BBS9: variants seen among roughly 807,000 people sequenced by gnomAD.
BBS9 encodes Bardet-Biedl syndrome 9.
A neutral mutation model predicts 117.7 loss-of-function variants in BBS9; 89 were observed. That is an observed-to-expected ratio of 0.76 (90% CI 0.64 to 0.90). The LOEUF is 0.90. BBS9 is among the 40% of genes least tolerant of loss of function. The pLI, the probability that BBS9 is intolerant of heterozygous loss-of-function variation, is 0.00. For missense variants in BBS9, 982 were observed against 1,042.2 expected, an observed-to-expected ratio of 0.94 and a Z score of 0.80; for synonymous variants, 379 against 370.9, an observed-to-expected ratio of 1.02 and a Z score of -0.25.
rs151284872 is a variant in BBS9, at chr7:33,186,549, T to A, written c.442+8958T>A. Among the ~76,000 whole-genome samples the A allele has an allele frequency of 7.4e-3, 1,131 of 152,336 alleles. 6 individuals carry two copies. Among genetic ancestry groups the A allele is most frequent in the Non-Finnish European group, 0.012 (798 of 68,022 alleles). On this transcript the variant is annotated intron_variant, in intron 5 of 22. Coordinates refer to ENST00000242067, the MANE Select transcript of BBS9 (RefSeq NM_198428.3). ...TGCATATCTTTGATTCTTCATAGAT[T>A]ATGGGAAATATGTTAACTTCTGGGT...
chr7:33,505,560 TCG>T lies in BBS9; in HGVS notation c.2217_2218del (p.Leu740ValfsTer5). On this transcript the variant is annotated frameshift_variant, in exon 20 of 23. Coordinates refer to ENST00000242067, the MANE Select transcript of BBS9 (RefSeq NM_198428.3). LOFTEE classifies it high-confidence loss of function. ...GCCACCCATTTGGTGATTCTGCTGA[TCG>T]CGCTGTGGCAGAAGCTTAGTGCTGA... 6.2e-7 allele frequency: 1 copy of T among 1,614,148 alleles called. No homozygotes were observed. Among genetic ancestry groups the T allele is most frequent in the Non-Finnish European group, 8.5e-7 (1 of 1,179,986 alleles).
chr7:33,434,416 C>A (rs1465546156), intron 19 of BBS9, among the ~76,000 whole-genome samples: 1 of 151,986 alleles, frequency 6.6e-6, no homozygotes, highest in Non-Finnish European at 1.5e-5. Flanking sequence ...ACAACCAAAG[C>A]AACTCAATAG....
chr7:33,337,422 AC>A (rs1815606765), intron 10 of BBS9, among the ~76,000 whole-genome samples: 1 of 152,154 alleles, frequency 6.6e-6, no homozygotes, highest in African/African-American at 2.4e-5. Context: ...TCAAAAGCCA[AC>A]CAAAACAACA....
At chr7:33,629,328 TTGTG>T (rs1262157598) in intron 21 of BBS9, among the ~76,000 whole-genome samples, 1 of 152,218 alleles carries the variant, frequency 6.6e-6, no homozygotes, top group Admixed American at 6.5e-5. Context: ...TAAAATACTC[TTGTG>T]TGAGCTCATT....
chr7:33,340,337 G>A (rs1191333299), intron 10 of BBS9, among the ~76,000 whole-genome samples: 1 of 152,070 alleles, frequency 6.6e-6, no homozygotes, highest in African/African-American at 2.4e-5. Context: ...TAAAATATCA[G>A]TATGTAAAGA....
chr7:33,164,555 T>C (rs373652645), intron 4 of BBS9, among the ~76,000 whole-genome samples: 2 of 152,228 alleles, frequency 1.3e-5, no homozygotes, highest in South Asian at 2.1e-4. Flanking sequence ...TAGCTCTTCT[T>C]GTTGAATTGA....
intron 21 of BBS9, among the ~76,000 whole-genome samples, chr7:33,561,366 AC>A (rs1856060035): frequency 6.6e-6 from 1 of 152,192 alleles, no homozygotes; most frequent in Admixed American, 6.5e-5. Context: ...GGCCATGATG[AC>A]AGTATTTCTG....
rs1267805928 is a variant in BBS9 at position 33,129,601 on chromosome 7, A to T, written c.-452A>T. 1 of 153,728 alleles carries T rather than the reference A, an allele frequency of 6.5e-6. No homozygotes were observed. Among genetic ancestry groups the T allele is most frequent in the Non-Finnish European group, 1.4e-5 (1 of 69,200 alleles). 9.5% of individuals were successfully genotyped at this position (153,728 alleles called of 1,614,324 possible). On this transcript the variant is annotated 5_prime_UTR_variant, in exon 1 of 23. Coordinates refer to ENST00000242067, the MANE Select transcript of BBS9 (RefSeq NM_198428.3). ...AAGATGGCTCAGAGTTAGGCTGGAG[A>T]GGGGAGGTGTCCCTTCCGCTGCGGC...
intron 21 of BBS9, among the ~76,000 whole-genome samples, chr7:33,545,574 C>T (rs891538154): frequency 2.6e-5 from 4 of 152,070 alleles, no homozygotes; most frequent in Non-Finnish European, 5.9e-5. Context: ...AGTCTTGCTT[C>T]CTTGAGGGAG....
At chr7:33,356,100 T>G (rs1333505195) in intron 15 of BBS9, among the ~76,000 whole-genome samples, 3 of 151,814 alleles carry the variant, frequency 2.0e-5, no homozygotes, top group Non-Finnish European at 4.4e-5. Context: ...TACTAGTCAT[T>G]AAAAATGAAG....
chr7:33,469,155 GA>G (rs5883403), intron 19 of BBS9, among the ~76,000 whole-genome samples: 28,758 of 152,088 alleles, frequency 0.19, 3,481 homozygotes, highest in Admixed American at 0.35. Context: ...GGTCGAATCT[GA>G]GGGAGAATAA....
In BBS9 at chr7:33,422,510, A is replaced by G. The variant is rs1361710484; in HGVS notation, c.2115+34366A>G. Among the ~76,000 whole-genome samples, 3 of 152,192 alleles carry G rather than the reference A, an allele frequency of 2.0e-5. No homozygotes were observed. In the South Asian group the frequency reaches 6.2e-4, roughly 32 times the overall value. On this transcript the variant is annotated intron_variant, in intron 19 of 22. Coordinates refer to ENST00000242067, the MANE Select transcript of BBS9 (RefSeq NM_198428.3). The stretch of plus-strand genomic sequence containing the variant: ...TTTAATTGTGTTGGTGTTTTTAAGA[A>G]TATTGGCTAAGTAGTAAAATAGTTG...
At chr7:33,225,416 C>T (rs1042675209) in intron 5 of BBS9, among the ~76,000 whole-genome samples, 3 of 152,126 alleles carry the variant, frequency 2.0e-5, no homozygotes, top group African/African-American at 7.2e-5. Flanking sequence ...CCAGGCTGGT[C>T]TTGAACTCCT....
chr7:33,270,021 CA>C (rs148600222), intron 7 of BBS9, among the ~76,000 whole-genome samples: 89 of 124,714 alleles, frequency 7.1e-4, no homozygotes, highest in East Asian at 1.2e-3. Context: ...GACTCTGTCT[CA>C]AAAAAAAAAA....
At position 33,611,096 on chromosome 7, in the gene BBS9, T is replaced by C. The variant is rs1289726293; in HGVS notation, c.2522-24081T>C. 1.2e-4 allele frequency among the ~76,000 whole-genome samples: 18 copies of C among 152,124 alleles called. No homozygotes were observed. The East Asian group carries it at 3.3e-3, about 28-fold the overall frequency. On this transcript the variant is annotated intron_variant, in intron 21 of 21. Coordinates refer to the BBS9 transcript ENST00000671952. ...CTTCATTGGCTCCAGGATCATCAGA[T>C]TGGAGAAAGTGAAGAGGTTTAAAAT...
intron 21 of BBS9, among the ~76,000 whole-genome samples, chr7:33,557,650 C>G (rs1392545126): frequency 6.6e-6 from 1 of 152,156 alleles, no homozygotes; most frequent in African/African-American, 2.4e-5. Context: ...ACTCAACAGG[C>G]AGGTTTAGCA....
At chr7:33,252,008 G>GA (rs1796291104) in intron 5 of BBS9, among the ~76,000 whole-genome samples, 1 of 152,144 alleles carries the variant, frequency 6.6e-6, no homozygotes, top group South Asian at 2.1e-4. Context: ...GGCTGTACAG[G>GA]AAGCATGATG....
chr7:33,486,608 G>T (rs539536164), intron 19 of BBS9, among the ~76,000 whole-genome samples: 1 of 152,242 alleles, frequency 6.6e-6, no homozygotes, highest in Admixed American at 6.5e-5. Context: ...TAAGGTATAG[G>T]TTTATTTCAG....
intron 19 of BBS9, among the ~76,000 whole-genome samples, chr7:33,413,743 C>T (rs1333755846): frequency 4.6e-5 from 7 of 152,118 alleles, no homozygotes; most frequent in Non-Finnish European, 1.0e-4. Context: ...CAGACCAGGC[C>T]GGGCGCAGTG....
Sources: gnomAD v4.1 joint callset for allele counts (sites outside exome capture counted in the v4.1 genomes callset) on GRCh38, gnomAD v4.1.1 for gene constraint, MANE v1.5 for transcripts, NCBI Gene and HGNC (gene_info 2026-07-23, HGNC 2026-07-21) for gene names.